Variants in ARHGAP5 observed in about 807,000 individuals in gnomAD.
ARHGAP5 encodes Rho GTPase activating protein 5.
Under a neutral mutation model 116.6 loss-of-function variants are expected in ARHGAP5, and 23 were observed. The ratio of observed to expected loss-of-function variants is 0.20; its 90% CI spans 0.14 to 0.28. The LOEUF is 0.28. Ranked by LOEUF, ARHGAP5 falls within the 10% of genes least tolerant of loss-of-function variation. The pLI is 1.00. For synonymous variants in ARHGAP5, 574 were observed against 602.0 expected (o/e 0.95, Z 0.68); for missense variants, 1,405 against 1,774.8 (o/e 0.79, Z 3.74).
intron 3 of ARHGAP5, among the ~76,000 whole-genome samples, chr14:32,122,978 G>A (rs1029755742): frequency 6.6e-6 from 1 of 151,980 alleles, no homozygotes; most frequent in African/African-American, 2.4e-5. Context: ...AGGCTGATGG[G>A]TTTTCTTGCT....
Position 32,153,776 on chromosome 14 carries a change from A to T in ARHGAP5, c.4182-845A>T, listed in dbSNP as rs893292947. ...GTGATCTACCGCACCTGCTGCAACC[A>T]GGTTTTCTGAAAGTTAAAAATTCTC... On this transcript the variant is annotated intron_variant, in intron 6 of 6. Coordinates refer to ENST00000345122, the MANE Select transcript of ARHGAP5 (RefSeq NM_001030055.2). 2.6e-5 allele frequency among the ~76,000 whole-genome samples: 4 copies of T among 152,070 alleles called. No individual in the cohort carries two copies. In the South Asian group the frequency reaches 8.3e-4, roughly 32 times the overall value.
At chr14:32,079,568 G>A (rs2138991283) in intron 1 of ARHGAP5, among the ~76,000 whole-genome samples, 1 of 152,242 alleles carries the variant, frequency 6.6e-6, no homozygotes, top group East Asian at 1.9e-4. Flanking sequence ...ATTATTTAAG[G>A]AATGAATATT....
chr14:32,118,096 T>TA (rs1435806618), intron 3 of ARHGAP5, among the ~76,000 whole-genome samples: 2 of 152,346 alleles, frequency 1.3e-5, no homozygotes, highest in Middle Eastern at 3.4e-3. Flanking sequence ...TTGTTCTCGC[T>TA]AAAAAATCAT....
chr14:32,144,562 C>T (rs1054638721), intron 3 of ARHGAP5, among the ~76,000 whole-genome samples: 2 of 152,086 alleles, frequency 1.3e-5, no homozygotes, highest in African/African-American at 4.8e-5. Context: ...TGGCTCACTG[C>T]AACCTCTGCC....
Position 32,117,153 on chromosome 14 carries a change from C to T in ARHGAP5, c.3731C>T (p.Thr1244Ile), listed in dbSNP as rs774969294. 6.3e-7 allele frequency: 1 copy of T among 1,597,746 alleles called. No homozygotes were observed. Among genetic ancestry groups the T allele is most frequent in the South Asian group, 1.2e-5 (1 of 86,806 alleles). Residue 1244 changes from threonine to isoleucine, a missense_variant, in exon 3 of 7, where the codon ACT becomes ATT. This residue lies in a region of ARHGAP5 where 176 missense variants were observed against 221.2 expected (regional missense o/e 0.80). Coordinates refer to ENST00000345122, the MANE Select transcript of ARHGAP5 (RefSeq NM_001030055.2). ...GTTTTCTTATAGCAGAAAAAGAAAA[C>T]TAAGAACTTCAATCCACCAACACGT... is the stretch of plus-strand genomic sequence containing the variant. ...VKEDKKQKKK[T>I]KNFNPPTRRN...
In ARHGAP5 at chr14:32,156,342, A is replaced by T. The variant is rs1286431063; in HGVS notation, c.*1394A>T. ...TACAATTTAAGATTATCTTATGTGT[A>T]TTATAGTAAATAGATGATTTTCAGA... On this transcript the variant is annotated 3_prime_UTR_variant, in exon 7 of 7. Coordinates refer to ENST00000345122, the MANE Select transcript of ARHGAP5 (RefSeq NM_001030055.2). The T allele has an allele frequency of 1.3e-5, 2 of 152,384 alleles. No individual in the cohort carries two copies. The highest frequency in any genetic ancestry group is 4.8e-5 in the African/African-American group (2 of 41,430). The allele number at this position is 152,384 out of a possible 1,614,324, so 9.4% of individuals were successfully genotyped here.
intron 2 of ARHGAP5, among the ~76,000 whole-genome samples, chr14:32,101,431 A>G (rs1878784518): frequency 6.6e-6 from 1 of 152,154 alleles, no homozygotes; most frequent in Admixed American, 6.5e-5. Context: ...GATTTCTAGA[A>G]CCTCACTCTA....
chr14:32,142,784 A>G (rs1881186121), intron 3 of ARHGAP5, among the ~76,000 whole-genome samples: 1 of 152,186 alleles, frequency 6.6e-6, no homozygotes. Context: ...CTTCACCAAG[A>G]TGATTACTGG....
At chr14:32,111,952 C>T (rs1172128955) in intron 2 of ARHGAP5, among the ~76,000 whole-genome samples, 1 of 150,136 alleles carries the variant, frequency 6.7e-6, no homozygotes, top group African/African-American at 2.5e-5. Flanking sequence ...TCTCCTGCCT[C>T]AGACTACAGG....
chr14:32,153,406 C>CAAAAAAAAAAAAAAAAA (rs771660350), intron 6 of ARHGAP5, among the ~76,000 whole-genome samples: 1 of 15,144 alleles, frequency 6.6e-5, no homozygotes. Flanking sequence ...GACTCTGTCT[C>CAAAAAAAAAAAAAAAAA]AAAAAAAAAA....
intron 3 of ARHGAP5, among the ~76,000 whole-genome samples, chr14:32,136,980 T>C (rs1271126680): frequency 6.6e-6 from 1 of 152,042 alleles, no homozygotes; most frequent in Non-Finnish European, 1.5e-5. Context: ...TACTGGACTT[T>C]TATCAGGTAA....
chr14:32,096,976 C>T (rs1222638731), intron 2 of ARHGAP5, among the ~76,000 whole-genome samples: 1 of 152,150 alleles, frequency 6.6e-6, no homozygotes, highest in Non-Finnish European at 1.5e-5. Flanking sequence ...AACTTGGCAG[C>T]ACAACCTGAT....
chr14:32,138,163 G>A (rs932535802), intron 3 of ARHGAP5, among the ~76,000 whole-genome samples: 2 of 151,816 alleles, frequency 1.3e-5, no homozygotes, highest in Non-Finnish European at 2.9e-5. Context: ...TTTTTTTCTT[G>A]ATTTCATCTT....
At chr14:32,110,632 C>T (rs1026006077) in intron 2 of ARHGAP5, among the ~76,000 whole-genome samples, 2 of 152,128 alleles carry the variant, frequency 1.3e-5, no homozygotes, top group African/African-American at 2.4e-5. Context: ...GCAGATTGTA[C>T]ATGTCTATTC....
chr14:32,144,847 A>T (rs12100687), intron 3 of ARHGAP5, among the ~76,000 whole-genome samples: 5,626 of 152,198 alleles, frequency 0.037, 346 homozygotes, highest in African/African-American at 0.13. Flanking sequence ...CTATTTTTCA[A>T]GTTTCAAGTG....
At chr14:32,109,293 A>G (rs1336589686) in intron 2 of ARHGAP5, among the ~76,000 whole-genome samples, 1 of 151,990 alleles carries the variant, frequency 6.6e-6, no homozygotes, top group Non-Finnish European at 1.5e-5. Flanking sequence ...CTTCATTAGC[A>G]AAGAAAAAAA....
chr14:32,155,032 T>C lies in ARHGAP5; in HGVS notation c.*84T>C, dbSNP rs1881832635. On this transcript the variant is annotated 3_prime_UTR_variant, in exon 7 of 7. Coordinates refer to ENST00000345122, the MANE Select transcript of ARHGAP5 (RefSeq NM_001030055.2). ...TTTCAGGGTTCAGTAGTATACTTCA[T>C]GTTTCATACAGATAATTCACATTCA... 1.7e-6 allele frequency: 2 copies of C among 1,147,470 alleles called. No homozygotes were observed. Among genetic ancestry groups the C allele is most frequent in the South Asian group, 3.0e-5 (2 of 66,844 alleles). The allele number at this position is 1,147,470 out of a possible 1,614,324, so 71.1% of individuals were successfully genotyped here. A position where few individuals can be genotyped will look rare whatever the true frequency, so the allele number is the denominator to read the frequency against.
rs71417951 is a variant in ARHGAP5 at position 32,154,753 on chromosome 14, T to A, written c.4314T>A (p.Val1438=). Residue 1438 remains valine (V), a synonymous_variant, in exon 7 of 7, where the codon GTT becomes GTA. Transcript: ENST00000345122. ...CTACTAAGATTCATCAATCTGTTGT[T>A]GAAACATTCATTCAGCAGTGTCAGT... ...LSTTKIHQSV[V]ETFIQQCQFF... 4 of 1,614,200 alleles carry A rather than the reference T, an allele frequency of 2.5e-6. No homozygotes were observed. Among genetic ancestry groups the A allele is most frequent in the Non-Finnish European group, 3.4e-6 (4 of 1,180,018 alleles).
intron 2 of ARHGAP5, among the ~76,000 whole-genome samples, chr14:32,104,520 G>T (rs1179044899): frequency 1.3e-5 from 2 of 152,162 alleles, no homozygotes; most frequent in African/African-American, 4.8e-5. Flanking sequence ...TGGACTTTCA[G>T]CCAGCACTTA....
Sources: gnomAD v4.1 joint callset for allele counts (sites outside exome capture counted in the v4.1 genomes callset) on GRCh38, gnomAD v4.1.1 for gene constraint, gnomAD v4.1.1 regional missense constraint, MANE v1.5 for transcripts, NCBI Gene and HGNC (gene_info 2026-07-23, HGNC 2026-07-21) for gene names.